PLXDC2: variants seen among roughly 807,000 people sequenced by gnomAD.
The protein encoded by PLXDC2 is plexin domain-containing protein 2.
In PLXDC2, 40 loss-of-function variants were observed where a neutral mutation model predicts 68.9. The observed-to-expected ratio is 0.58, with a 90% CI of 0.45 to 0.76. The LOEUF (loss-of-function observed/expected upper bound fraction) is 0.76. Ranked by LOEUF, PLXDC2 falls within the 30% of genes least tolerant of loss-of-function variation. The pLI, the probability that PLXDC2 is intolerant of heterozygous loss-of-function variation, is 0.00. For synonymous variants in PLXDC2, 243 were observed against 234.2 expected, an observed-to-expected ratio of 1.04 and a Z score of -0.34; for missense variants, 644 against 661.9, an observed-to-expected ratio of 0.97 and a Z score of 0.30.
In PLXDC2 at chr10:20,164,556, A is replaced by C. The variant is rs1379595426; in HGVS notation, c.872A>C (p.Gln291Pro). ...GCATTTGTCGTTGTCCACAGGATCC[A>C]ACAAATTCCCAGTACGTAGAAGAAG... is the stretch of plus-strand genomic sequence containing the variant. ...SDAFVVVHRIQQIPNVRRRTI... is the reference protein window; with the variant it reads ...SDAFVVVHRIPQIPNVRRRTI... The change falls in exon 7 of 14, where the codon CAA becomes CCA. Residue 291 changes from glutamine (Q) to proline (P), a missense_variant. This residue lies in a region of PLXDC2 where 330 missense variants were observed against 327.9 expected (regional missense o/e 1.01). Transcript: ENST00000377252. 1 of 1,611,486 alleles carries C rather than the reference A, an allele frequency of 6.2e-7. No individual in the cohort carries two copies. The highest frequency in any genetic ancestry group is 1.1e-5 in the South Asian group (1 of 91,054).
intron 5 of PLXDC2, 65 bp downstream of exon 5, chr10:20,143,482 G>T: frequency 6.3e-7 from 1 of 1,591,322 alleles, no homozygotes. Flanking sequence ...TCAGATTCAT[G>T]TTAATGTTTT....
intron 2 of PLXDC2, among the ~76,000 whole-genome samples, chr10:20,008,285 T>A (rs1205336187): frequency 6.6e-6 from 1 of 152,214 alleles, no homozygotes; most frequent in African/African-American, 2.4e-5. Flanking sequence ...CCAGGCGTGG[T>A]GGCTTACGCC....
At chr10:19,829,862 C>G (rs1193634207) in intron 1 of PLXDC2, among the ~76,000 whole-genome samples, 4 of 152,124 alleles carry the variant, frequency 2.6e-5, no homozygotes, top group African/African-American at 7.2e-5. Flanking sequence ...TACAAATTGT[C>G]CAGTCATATA....
intron 1 of PLXDC2, among the ~76,000 whole-genome samples, chr10:19,860,849 G>T (rs1837306277): frequency 6.6e-6 from 1 of 152,042 alleles, no homozygotes; most frequent in Non-Finnish European, 1.5e-5. Context: ...AGAAAATCTG[G>T]GAGCCAGGTT....
chr10:19,949,164 T>C (rs899682762), intron 1 of PLXDC2, among the ~76,000 whole-genome samples: 4 of 150,288 alleles, frequency 2.7e-5, no homozygotes, highest in African/African-American at 9.8e-5. Flanking sequence ...ACATACGTTA[T>C]ATATTTACAT....
chr10:19,987,109 G>A (rs112380616), intron 1 of PLXDC2, among the ~76,000 whole-genome samples: 20 of 152,218 alleles, frequency 1.3e-4, no homozygotes, highest in Admixed American at 5.9e-4. Context: ...CATTACCCAC[G>A]TTTCAGCGTT....
intron 2 of PLXDC2, among the ~76,000 whole-genome samples, chr10:20,026,175 T>C (rs186532884): frequency 7.8e-5 from 10 of 127,812 alleles, no homozygotes; most frequent in African/African-American, 2.5e-4. Flanking sequence ...TAATTAAACT[T>C]AATGCCTATG....
intron 12 of PLXDC2, among the ~76,000 whole-genome samples, chr10:20,221,053 G>T (rs899017036): frequency 6.6e-6 from 1 of 151,954 alleles, no homozygotes; most frequent in African/African-American, 2.4e-5. Context: ...ATGTTGGCCA[G>T]GCTGGTCTTG....
At chr10:20,206,859 CACACACACACACACAG>C (rs1051868489) in intron 9 of PLXDC2, among the ~76,000 whole-genome samples, 9 of 147,640 alleles carry the variant, frequency 6.1e-5, no homozygotes, top group South Asian at 2.1e-4. Flanking sequence ...AACACACACA[CACACACACACACACAG>C]ACACACACAC....
chr10:20,255,123 T>C (rs768979591), intron 13 of PLXDC2, among the ~76,000 whole-genome samples: 9 of 152,026 alleles, frequency 5.9e-5, no homozygotes, highest in Non-Finnish European at 1.3e-4. Flanking sequence ...TCCCTAATTA[T>C]TTCAATGCTA....
chr10:20,166,251 G>A (rs1834373323), intron 7 of PLXDC2, among the ~76,000 whole-genome samples: 1 of 152,114 alleles, frequency 6.6e-6, no homozygotes, highest in African/African-American at 2.4e-5. Context: ...TCTTAGAACT[G>A]AATGGTTATG....
intron 1 of PLXDC2, among the ~76,000 whole-genome samples, chr10:19,907,693 A>G (rs1833190148): frequency 6.6e-6 from 1 of 152,248 alleles, no homozygotes; most frequent in South Asian, 2.1e-4. Flanking sequence ...CAGGAAATCA[A>G]CTTACTCCAG....
intron 1 of PLXDC2, among the ~76,000 whole-genome samples, chr10:19,962,259 C>A (rs1834164786): frequency 6.7e-6 from 1 of 148,352 alleles, no homozygotes; most frequent in Admixed American, 6.7e-5. Context: ...AGTGAAAATA[C>A]ATCCCAGATC....
intron 4 of PLXDC2, among the ~76,000 whole-genome samples, chr10:20,115,301 C>T (rs1833607545): frequency 6.6e-6 from 1 of 152,162 alleles, no homozygotes; most frequent in African/African-American, 2.4e-5. Context: ...TGTCCTCTTC[C>T]TTTTGCGAGA....
intron 5 of PLXDC2, among the ~76,000 whole-genome samples, chr10:20,145,131 G>T (rs887515073): frequency 6.6e-6 from 1 of 152,040 alleles, no homozygotes; most frequent in Admixed American, 6.6e-5. Context: ...AATTACATAC[G>T]TAAAGTGAGT....
intron 1 of PLXDC2, among the ~76,000 whole-genome samples, chr10:19,929,826 T>C (rs920273797): frequency 3.3e-5 from 5 of 152,194 alleles, no homozygotes; most frequent in African/African-American, 1.2e-4. Flanking sequence ...ATGTTAATGC[T>C]CCCCACATTC....
intron 7 of PLXDC2, among the ~76,000 whole-genome samples, chr10:20,171,597 G>C (rs1834446924): frequency 6.6e-6 from 1 of 152,048 alleles, no homozygotes; most frequent in South Asian, 2.1e-4. Flanking sequence ...ACTCTGACTT[G>C]ATTTTTAAAG....
intron 12 of PLXDC2, among the ~76,000 whole-genome samples, chr10:20,241,681 A>G (rs1183967958): frequency 6.6e-6 from 1 of 152,190 alleles, no homozygotes; most frequent in Non-Finnish European, 1.5e-5. Flanking sequence ...TGGGAGGCCA[A>G]AGCAGGAGGA....
At chr10:19,880,970 A>G (rs1837715596) in intron 1 of PLXDC2, among the ~76,000 whole-genome samples, 1 of 152,186 alleles carries the variant, frequency 6.6e-6, no homozygotes. Context: ...GTTATTTTCC[A>G]ATTATTACAC....
Sources: gnomAD v4.1 joint callset for allele counts (sites outside exome capture counted in the v4.1 genomes callset) on GRCh38, gnomAD v4.1.1 for gene constraint, gnomAD v4.1.1 regional missense constraint, MANE v1.5 for transcripts, NCBI Gene and HGNC (gene_info 2026-07-23, HGNC 2026-07-21) for gene names.